The following QTMAN variants were observed in gnomAD, a reference collection of about 807,000 sequenced individuals.
QTMAN encodes queuosine-tRNA mannosyltransferase.
chr2:144,123,456 A>G, the QTMAN span, among the ~76,000 whole-genome samples: 2 of 152,126 alleles, frequency 1.3e-5, no homozygotes, highest in African/African-American at 2.4e-5. Context: ...TGTAAACTTG[A>G]GTATCTATTC....
the QTMAN span, among the ~76,000 whole-genome samples, chr2:144,287,894 C>T: frequency 1.8e-3 from 280 of 152,118 alleles, 3 homozygotes; most frequent in Non-Finnish European, 2.9e-3. Context: ...CTCGCTCTGT[C>T]GCCAGGCTGG....
the QTMAN span, among the ~76,000 whole-genome samples, chr2:144,265,567 C>T: frequency 2.0e-5 from 3 of 151,962 alleles, no homozygotes; most frequent in South Asian, 2.1e-4. Context: ...GGTGGTGGCA[C>T]GCACCTGTAA....
the QTMAN span, among the ~76,000 whole-genome samples, chr2:144,101,923 C>A: frequency 2.6e-5 from 4 of 152,148 alleles, no homozygotes; most frequent in East Asian, 5.8e-4. Context: ...TTATGGCACC[C>A]CACCAGACTG....
the QTMAN span, among the ~76,000 whole-genome samples, chr2:144,107,207 A>C: frequency 6.6e-6 from 1 of 152,218 alleles, no homozygotes; most frequent in Non-Finnish European, 1.5e-5. Flanking sequence ...CGAGAGAAGC[A>C]AGAGCAAACA....
the QTMAN span, among the ~76,000 whole-genome samples, chr2:144,157,219 G>T: frequency 5.3e-5 from 8 of 152,134 alleles, no homozygotes; most frequent in Admixed American, 2.6e-4. Context: ...CAAAGTACTT[G>T]AACTTTTGGT....
chr2:144,214,153 G>A, the QTMAN span, among the ~76,000 whole-genome samples: 1 of 152,056 alleles, frequency 6.6e-6, no homozygotes, highest in African/African-American at 2.4e-5. Context: ...TTAAGAGTGT[G>A]AAGTAAAAAT....
At chr2:144,021,155 T>C in the QTMAN span, among the ~76,000 whole-genome samples, 1 of 151,926 alleles carries the variant, frequency 6.6e-6, no homozygotes, top group Non-Finnish European at 1.5e-5. Context: ...CAAAATTCAA[T>C]CCAAGTAGAA....
At chr2:144,285,245 C>T in the QTMAN span, among the ~76,000 whole-genome samples, 1 of 152,096 alleles carries the variant, frequency 6.6e-6, no homozygotes, top group African/African-American at 2.4e-5. Context: ...TCACATGCAC[C>T]TATATTTGGT....
chr2:144,264,039 G>A, the QTMAN span, among the ~76,000 whole-genome samples: 1 of 151,958 alleles, frequency 6.6e-6, no homozygotes, highest in Non-Finnish European at 1.5e-5. Context: ...ACAAATGAGG[G>A]ATAAAAGAAG....
At chr2:144,080,257 G>C in the QTMAN span, among the ~76,000 whole-genome samples, 2 of 152,048 alleles carry the variant, frequency 1.3e-5, no homozygotes, top group Admixed American at 1.3e-4. Flanking sequence ...TATATTTTTA[G>C]AGTGTACAAT....
chr2:144,268,702 T>C, the QTMAN span, among the ~76,000 whole-genome samples: 1 of 152,264 alleles, frequency 6.6e-6, no homozygotes, highest in Non-Finnish European at 1.5e-5. Flanking sequence ...ATCCTTTGTG[T>C]GAATAAATTA....
the QTMAN span, among the ~76,000 whole-genome samples, chr2:144,318,386 A>C: frequency 6.6e-6 from 1 of 152,226 alleles, no homozygotes; most frequent in Non-Finnish European, 1.5e-5. Flanking sequence ...GAGTTTTAGA[A>C]TCCAGAACAT....
the QTMAN span, among the ~76,000 whole-genome samples, chr2:143,986,385 G>A: frequency 9.9e-5 from 15 of 152,200 alleles, no homozygotes; most frequent in African/African-American, 3.6e-4. Context: ...ATTGGAATAC[G>A]TTCATAATTA....
At chr2:144,260,824 A>T in the QTMAN span, among the ~76,000 whole-genome samples, 1 of 152,126 alleles carries the variant, frequency 6.6e-6, no homozygotes, top group African/African-American at 2.4e-5. Flanking sequence ...GAATTTAAAC[A>T]TTTAATTCAT....
At chr2:144,267,933 C>T in the QTMAN span, among the ~76,000 whole-genome samples, 3 of 152,054 alleles carry the variant, frequency 2.0e-5, no homozygotes, top group Non-Finnish European at 1.5e-5. Context: ...AGCCTTATCC[C>T]CAGTGTGATG....
the QTMAN span, among the ~76,000 whole-genome samples, chr2:143,953,493 G>A: frequency 6.6e-6 from 1 of 151,846 alleles, no homozygotes; most frequent in Non-Finnish European, 1.5e-5. Context: ...AGCAAAGAAT[G>A]CTTGTATTAT....
At chr2:144,153,344 C>A in the QTMAN span, among the ~76,000 whole-genome samples, 4 of 151,948 alleles carry the variant, frequency 2.6e-5, no homozygotes, top group Non-Finnish European at 5.9e-5. Flanking sequence ...AATAAAGTAC[C>A]ACTATAAATC....
the QTMAN span, among the ~76,000 whole-genome samples, chr2:144,101,701 A>G: frequency 6.6e-6 from 1 of 152,002 alleles, no homozygotes; most frequent in Non-Finnish European, 1.5e-5. Context: ...AAATATATAT[A>G]ATATCAATAA....
chr2:144,239,537 C>A, the QTMAN span, among the ~76,000 whole-genome samples: 1 of 152,140 alleles, frequency 6.6e-6, no homozygotes, highest in Admixed American at 6.5e-5. Flanking sequence ...TTCCTCCCTG[C>A]TAAAGCTACA....
Sources: allele counts gnomAD v4.1 joint callset (sites outside exome capture counted in the v4.1 genomes callset), GRCh38; gene constraint gnomAD v4.1.1; transcripts MANE v1.5; gene names NCBI Gene and HGNC (gene_info 2026-07-23, HGNC 2026-07-21).